C4orf54: variants seen among roughly 807,000 people sequenced by gnomAD.
C4orf54 encodes the protein uncharacterized protein C4orf54.
C4orf54 carries 67 observed loss-of-function variants against 80.1 expected under a neutral mutation model. The observed-to-expected ratio is 0.84, with a 90% CI of 0.69 to 1.03. C4orf54 has a LOEUF of 1.03. Among genes scored for constraint, C4orf54 ranks in the 50% least tolerant of loss-of-function variants. C4orf54 has a pLI of 0.00. For missense variants in C4orf54, 2,434 were observed against 2,253.5 expected, an observed-to-expected ratio of 1.08 and a Z score of -1.62; for synonymous variants, 1,000 against 917.0, an observed-to-expected ratio of 1.09 and a Z score of -1.64.
chr4:99,648,234 T>C (rs1726733215), intron 2 of C4orf54, among the ~76,000 whole-genome samples: 1 of 152,158 alleles, frequency 6.6e-6, no homozygotes, highest in Admixed American at 6.5e-5. Context: ...GTGTTTGACC[T>C]GAAGTGTCCC....
chr4:99,651,859 C>T lies in C4orf54; in HGVS notation c.2790G>A (p.Glu930=). The change falls in exon 2 of 3, where the codon GAG becomes GAA. Residue 930 remains glutamate (E), a synonymous_variant. Coordinates refer to ENST00000511828, the MANE Select transcript of C4orf54 (RefSeq NM_001354435.2). ...TACGGAGGAAGATGCCCTTGACGGT[C>T]TCTGAGGCACTCTTTTTAATTTCAC... ...EVCEIKKSAS[E]TVKGIFLRSQ... is the part of the protein sequence containing the mutation. 1.3e-6 allele frequency: 2 copies of T among 1,536,114 alleles called. No individual in the cohort carries two copies. The highest frequency in any genetic ancestry group is 1.7e-6 in the Non-Finnish European group (2 of 1,146,910).
Position 99,653,384 on chromosome 4 carries a change from A to T in C4orf54, c.1265T>A (p.Leu422Gln). 6.5e-7 allele frequency: 1 copy of T among 1,536,262 alleles called. No homozygotes were observed. Among genetic ancestry groups the T allele is most frequent in the Non-Finnish European group, 8.7e-7 (1 of 1,146,894 alleles). Residue 422 changes from leucine (L) to glutamine (Q), a missense_variant, in exon 2 of 3, where the codon CTG becomes CAG. Transcript: ENST00000511828. ...GCTGTTGTCGTCGTCCTCTTCGGTC[A>T]GACTGGTGATGTCCCCTGGGGTCTC... is the stretch of plus-strand genomic sequence containing the variant. Reference protein sequence around the residue: ...SDETPGDITSLTEEDDDNSCY... With the variant: ...SDETPGDITSQTEEDDDNSCY...
At chr4:99,654,979 G>A (rs549834758) in intron 1 of C4orf54, among the ~76,000 whole-genome samples, 16 of 152,094 alleles carry the variant, frequency 1.1e-4, no homozygotes, top group South Asian at 2.1e-4. Flanking sequence ...AATTTTTCAC[G>A]CATTTCGCAT....
chr4:99,656,381 G>C (rs1578279676), intron 1 of C4orf54, among the ~76,000 whole-genome samples: 2 of 151,822 alleles, frequency 1.3e-5, no homozygotes, highest in South Asian at 4.2e-4. Context: ...TCGGGTTCAA[G>C]CAATTCTCGT....
intron 2 of C4orf54, among the ~76,000 whole-genome samples, chr4:99,645,610 G>T (rs1726688952): frequency 6.6e-6 from 1 of 152,058 alleles, no homozygotes; most frequent in Non-Finnish European, 1.5e-5. Context: ...CATCTAAGTG[G>T]ATGGGCAGGA....
intron 2 of C4orf54, 121 bp downstream of exon 2, chr4:99,649,110 C>T (rs922689541): frequency 2.0e-6 from 2 of 999,064 alleles, no homozygotes; most frequent in African/African-American, 1.6e-5. Context: ...TTGTTCTATT[C>T]TCTCAAAACA....
chr4:99,643,794 C>CACACACACACACACACA (rs1560634918), intron 2 of C4orf54, among the ~76,000 whole-genome samples: 22 of 65,220 alleles, frequency 3.4e-4, no homozygotes, highest in African/African-American at 6.9e-4. Context: ...ACACACACAC[C>CACACACACACACACACA]CCCTCCGCGG....
rs1438113808 is a variant in C4orf54, at chr4:99,653,279, G to T, written c.1370C>A (p.Ala457Glu). 18 of 1,530,672 alleles carry T rather than the reference G, an allele frequency of 1.2e-5. No homozygotes were observed. Among genetic ancestry groups the T allele is most frequent in the Non-Finnish European group, 1.5e-5 (17 of 1,143,304 alleles). The allele number at this position is 1,530,672 out of a possible 1,614,324, so 94.8% of individuals were successfully genotyped here. A position where few individuals can be genotyped will look rare whatever the true frequency, so the allele number is the denominator to read the frequency against. Residue 457 changes from alanine (A) to glutamate (E), a missense_variant, in exon 2 of 3, where the codon GCA (alanine) becomes GAA (glutamate). Transcript: ENST00000511828. ...PTSSDLARPN[A>E]GRSGRDTSST... is the part of the protein sequence containing the mutation. Reference sequence around the variant, plus strand: ...GCTGGTGTCGCGGCCACTGCGGCCTGCATTGGGGCGGGCCAGGTCGCTGCT... The same window carrying T: ...GCTGGTGTCGCGGCCACTGCGGCCTTCATTGGGGCGGGCCAGGTCGCTGCT...
rs933777009 is a variant in C4orf54 at position 99,650,917 on chromosome 4, C to G, written c.3732G>C (p.Gly1244=). The G allele has an allele frequency of 4.9e-5, 76 of 1,536,094 alleles. No homozygotes were observed. The highest frequency in any genetic ancestry group is 6.1e-5 in the Non-Finnish European group (70 of 1,146,934). The stretch of plus-strand genomic sequence containing the variant: ...CATTCCGGGCTGGCTTCGTGGCTTT[C>G]CCTTCCTCCTTGACCTCCTCCTCCT... ...KLKEEEVKEE[G]KATKPARNAL... The change falls in exon 2 of 3, where the codon GGG becomes GGC. Residue 1244 remains glycine (G), a synonymous_variant. Transcript: ENST00000511828.
chr4:99,655,393 T>C (rs1467594281), intron 1 of C4orf54, among the ~76,000 whole-genome samples: 1 of 152,218 alleles, frequency 6.6e-6, no homozygotes, highest in Non-Finnish European at 1.5e-5. Context: ...TGTAGAACCA[T>C]GGCAAGACAA....
intron 1 of C4orf54, among the ~76,000 whole-genome samples, chr4:99,654,966 T>G (rs1036120528): frequency 5.9e-5 from 9 of 152,238 alleles, no homozygotes; most frequent in African/African-American, 1.9e-4. Flanking sequence ...TAAATAAAAT[T>G]CAAATTTTTC....
rs1726597072 is a variant in C4orf54, at chr4:99,640,935, G to A, written c.*298C>T. ...CAGGGGGGAAGGAGGTGAATAGAAA[G>A]CTTATATCCTGTGTTGAAGTATAAA... On this transcript the variant is annotated 3_prime_UTR_variant, in exon 3 of 3. Transcript: ENST00000511828. The A allele has an allele frequency of 6.6e-6, 1 of 152,092 alleles. No homozygotes were observed. Among genetic ancestry groups the A allele is most frequent in the Admixed American group, 6.6e-5 (1 of 15,256 alleles). The allele number at this position is 152,092 out of a possible 1,614,324, so 9.4% of individuals were successfully genotyped here. A position where few individuals can be genotyped will look rare whatever the true frequency, so the allele number is the denominator to read the frequency against.
chr4:99,653,059 T>C lies in C4orf54; in HGVS notation c.1590A>G (p.Ile530Met). Residue 530 changes from isoleucine to methionine, a missense_variant, in exon 2 of 3, where the codon ATA becomes ATG. Transcript: ENST00000511828. ...TTGCACGCACGTTGCTAGGCTCATT[T>C]ATAGCCCGGGAAGCCGGTTTGATTG... The part of the protein sequence containing the change: ...LLSIKPASRA[I>M]NEPSNVRAKQ... The C allele has an allele frequency of 6.5e-7, 1 of 1,536,226 alleles. No individual in the cohort carries two copies.
In C4orf54 at chr4:99,650,665, A is replaced by G; in HGVS notation, c.3984T>C (p.Ala1328=). ...TGGGGGCCCCTCGCAGGACCACACC[A>G]GCTTTGTTTCCTGTGCCCCGCTCTT... ...EVEERGTGNK[A]GVVLRGAPIE... is the part of the protein sequence containing the mutation. Residue 1328 remains alanine, a synonymous_variant, in exon 2 of 3, where the codon GCT becomes GCC. Transcript: ENST00000511828. 6.5e-7 allele frequency: 1 copy of G among 1,536,026 alleles called. No homozygotes were observed.
In C4orf54 at chr4:99,652,884, G is replaced by T; in HGVS notation, c.1765C>A (p.Arg589Ser). 1 of 1,536,168 alleles carries T rather than the reference G, an allele frequency of 6.5e-7. No homozygotes were observed. The highest frequency in any genetic ancestry group is 8.7e-7 in the Non-Finnish European group (1 of 1,146,924). Residue 589 changes from arginine to serine, a missense_variant, in exon 2 of 3, where the codon CGC becomes AGC. Arg to Ser is a moderately radical substitution (Grantham distance 110). Transcript: ENST00000511828. ...ATGGCCCCGCACCTGGTTTGCAGGC[G>T]AGCAGGTACAGCAATGAATTTCTTT... ...HAKKFIAVPA[R>S]LQTRCGAIRA...
chr4:99,650,160 TG>T lies in C4orf54; in HGVS notation c.4488del (p.Asn1497ThrfsTer13), dbSNP rs1249107798. Reference protein sequence around the residue: ...SRPGASREGPPNSSAATLCSL... With the variant: ...SRPGASREGPXNSSAATLCSL... ...CTACAGAGAGTGGCAGCTGAGGAGTTGGGGGGCCCCTCCCTGGAAGCCCCAG... is the reference window on the plus strand; with the variant it reads ...CTACAGAGAGTGGCAGCTGAGGAGTTGGGGGCCCCTCCCTGGAAGCCCCAG... On this transcript the variant is annotated frameshift_variant, in exon 2 of 3. Coordinates refer to ENST00000511828, the MANE Select transcript of C4orf54 (RefSeq NM_001354435.2). LOFTEE classifies it high-confidence loss of function. 2.6e-6 allele frequency: 4 copies of T among 1,535,630 alleles called. No individual in the cohort carries two copies. Among genetic ancestry groups the T allele is most frequent in the Admixed American group, 2.0e-5 (1 of 50,968 alleles).
chr4:99,650,761 A>C lies in C4orf54; in HGVS notation c.3888T>G (p.Ser1296Arg), dbSNP rs184423195. The change falls in exon 2 of 3, where the codon AGT becomes AGG. Residue 1296 changes from serine to arginine, a missense_variant. By Grantham distance (110) the Ser-to-Arg change is moderately radical. Coordinates refer to ENST00000511828, the MANE Select transcript of C4orf54 (RefSeq NM_001354435.2). ...MDSHVLSLIA[S>R]EEREGVVVAD... ...CAACCACTACCCCTTCCCTCTCCTCACTGGCAATGAGCGACAGCACGTGGC... is the reference window on the plus strand; with the variant it reads ...CAACCACTACCCCTTCCCTCTCCTCCCTGGCAATGAGCGACAGCACGTGGC... 178 of 1,535,896 alleles carry C rather than the reference A, an allele frequency of 1.2e-4. 1 individual carries two copies. The African/African-American group carries it at 2.2e-3, about 19-fold the overall frequency.
At position 99,650,836 on chromosome 4, in the gene C4orf54, G is replaced by C; in HGVS notation, c.3813C>G (p.Asn1271Lys). Reference sequence around the variant, plus strand: ...CGCTTTTGCGCTTCCACTCGTTCCTGTTGAAGCTGTACAGCTCTTCCATGG... The same window carrying C: ...CGCTTTTGCGCTTCCACTCGTTCCTCTTGAAGCTGTACAGCTCTTCCATGG... ...VRSMEELYSF[N>K]RNEWKRKSDP... Residue 1271 changes from asparagine (N) to lysine (K), a missense_variant, in exon 2 of 3, where the codon AAC becomes AAG. Coordinates refer to ENST00000511828, the MANE Select transcript of C4orf54 (RefSeq NM_001354435.2). 1 of 1,536,190 alleles carries C rather than the reference G, an allele frequency of 6.5e-7. No homozygotes were observed. The highest frequency in any genetic ancestry group is 1.4e-5 in the African/African-American group (1 of 73,176).
chr4:99,651,421 G>C lies in C4orf54; in HGVS notation c.3228C>G (p.Phe1076Leu). ...EDNSRAQQKL[F>L]RGDNLEKVPH... ...GCACTTTTTCTAGGTTGTCCCCGCG[G>C]AAGAGTTTCTGCTGTGCCCTGCTGT... The change falls in exon 2 of 3, where the codon TTC becomes TTG. Residue 1076 changes from phenylalanine to leucine, a missense_variant. By Grantham distance (22) the Phe-to-Leu change is conservative. Coordinates refer to ENST00000511828, the MANE Select transcript of C4orf54 (RefSeq NM_001354435.2). 6.5e-7 allele frequency: 1 copy of C among 1,536,272 alleles called. No homozygotes were observed. The highest frequency in any genetic ancestry group is 8.7e-7 in the Non-Finnish European group (1 of 1,146,920).
Sources: gnomAD v4.1 joint callset for allele counts (sites outside exome capture counted in the v4.1 genomes callset) on GRCh38, gnomAD v4.1.1 for gene constraint, MANE v1.5 for transcripts, NCBI Gene and HGNC (gene_info 2026-07-23, HGNC 2026-07-21) for gene names.